Variants in CCDC152 observed in about 807,000 individuals in gnomAD.
CCDC152 encodes the protein coiled-coil domain-containing protein 152.
CCDC152 carries 37 observed loss-of-function variants against 38.1 expected under a neutral mutation model. That is an observed-to-expected ratio of 0.97 (90% CI 0.75 to 1.28). The LOEUF is 1.28. Ranked by LOEUF, CCDC152 falls within the 50% of genes most tolerant of loss-of-function variation. The pLI, the probability that CCDC152 is intolerant of heterozygous loss-of-function variation, is 0.00. For missense variants in CCDC152, 259 were observed against 292.1 expected (o/e 0.89, Z 0.83); for synonymous variants, 83 against 87.1 (o/e 0.95, Z 0.26).
intron 2 of CCDC152, among the ~76,000 whole-genome samples, chr5:42,761,519 GCAGGAGAACT>G: frequency 6.6e-6 from 1 of 152,284 alleles, no homozygotes; most frequent in South Asian, 2.1e-4. Flanking sequence ...GGAGGCTGAA[GCAGGAGAACT>G]GCTAGAGCCC....
chr5:42,782,914 T>C (rs1221778020), intron 5 of CCDC152, among the ~76,000 whole-genome samples: 3 of 151,988 alleles, frequency 2.0e-5, no homozygotes, highest in Non-Finnish European at 2.9e-5. Context: ...TCCCCCAGGC[T>C]GGAGTGCAGT....
intron 6 of CCDC152, among the ~76,000 whole-genome samples, chr5:42,787,058 G>A (rs902448772): frequency 1.3e-5 from 2 of 151,906 alleles, no homozygotes; most frequent in African/African-American, 2.4e-5. Context: ...CTTGTTTTAT[G>A]ATCAGGCATA....
chr5:42,761,239 CTCTG>C (rs1352556223), intron 2 of CCDC152, among the ~76,000 whole-genome samples: 2 of 152,140 alleles, frequency 1.3e-5, no homozygotes, highest in African/African-American at 4.8e-5. Flanking sequence ...AGAATATGGC[CTCTG>C]TCTGTCTCTC....
chr5:42,757,373 G>A (rs1759495107), intron 1 of CCDC152, among the ~76,000 whole-genome samples: 1 of 152,116 alleles, frequency 6.6e-6, no homozygotes. Context: ...GACGAGCCCC[G>A]GGACTCAAGC....
At chr5:42,760,698 G>GCA (rs895156809) in intron 2 of CCDC152, among the ~76,000 whole-genome samples, 4 of 151,720 alleles carry the variant, frequency 2.6e-5, no homozygotes, top group East Asian at 1.9e-4. Flanking sequence ...CTTTTCGTCA[G>GCA]CACACACACA....
intron 4 of CCDC152, among the ~76,000 whole-genome samples, chr5:42,774,794 A>C (rs1759750010): frequency 6.6e-6 from 1 of 152,238 alleles, no homozygotes; most frequent in Non-Finnish European, 1.5e-5. Flanking sequence ...CAGAGAAAGC[A>C]TCAAAACCAG....
At chr5:42,793,671 C>T (rs1210025191) in intron 6 of CCDC152, among the ~76,000 whole-genome samples, 1 of 152,066 alleles carries the variant, frequency 6.6e-6, no homozygotes, top group Non-Finnish European at 1.5e-5. Flanking sequence ...TGCAGTGTTG[C>T]CATCTCGGCT....
intron 2 of CCDC152, among the ~76,000 whole-genome samples, chr5:42,759,999 A>C (rs1336179769): frequency 1.3e-5 from 2 of 152,106 alleles, no homozygotes; most frequent in African/African-American, 2.4e-5. Flanking sequence ...GGGAATTGCT[A>C]TACTTGAAAG....
At chr5:42,764,648 A>G (rs879502623) in intron 3 of CCDC152, among the ~76,000 whole-genome samples, 7 of 152,266 alleles carry the variant, frequency 4.6e-5, no homozygotes, top group Admixed American at 4.6e-4. Context: ...GTGTTACATC[A>G]TATCAACAGA....
At position 42,762,430 on chromosome 5, in the gene CCDC152, A is replaced by G. The variant is rs1395660049; in HGVS notation, c.88-13A>G. ...TTGATTTGTTAATAATAAGTATTCT[A>G]TTTCTTCTACAGAAAATGGTAGAAA... On this transcript the variant is annotated splice_polypyrimidine_tract_variant and intron_variant, in intron 2 of 8. Transcript: ENST00000361970. 16 of 1,317,478 alleles carry G rather than the reference A, an allele frequency of 1.2e-5. No homozygotes were observed. The highest frequency in any genetic ancestry group is 2.2e-5 in the Admixed American group (1 of 45,006). 81.6% of individuals were successfully genotyped at this position (1,317,478 alleles called of 1,614,324 possible).
chr5:42,770,319 G>A (rs1759679949), intron 4 of CCDC152, among the ~76,000 whole-genome samples: 1 of 152,064 alleles, frequency 6.6e-6, no homozygotes, highest in South Asian at 2.1e-4. Flanking sequence ...TTTAAAACAA[G>A]CACCTTATAT....
In CCDC152 at chr5:42,776,934, C is replaced by T. The variant is rs1362443040; in HGVS notation, c.263-2524C>T. 7.3e-5 allele frequency among the ~76,000 whole-genome samples: 11 copies of T among 151,708 alleles called. 1 individual carries two copies. Among genetic ancestry groups the T allele is most frequent in the Admixed American group, 2.0e-4 (3 of 15,212 alleles). The stretch of plus-strand genomic sequence containing the variant: ...ACAGTGCTTAAAGAGATATTTATAG[C>T]GTTAAATGTGCATATGAGAAGACAA... On this transcript the variant is annotated intron_variant, in intron 4 of 8. Transcript: ENST00000361970.
At chr5:42,776,257 T>A (rs917122091) in intron 4 of CCDC152, among the ~76,000 whole-genome samples, 3 of 152,160 alleles carry the variant, frequency 2.0e-5, no homozygotes, top group African/African-American at 7.2e-5. Context: ...TGGAGAAAGA[T>A]ATGCCGTGCT....
rs78985778 is a variant in CCDC152 at position 42,760,386 on chromosome 5, T to C, written c.87+1178T>C. On this transcript the variant is annotated intron_variant, in intron 2 of 8. Coordinates refer to ENST00000361970, the MANE Select transcript of CCDC152 (RefSeq NM_001134848.2). ...AGTAAACATTGAAGTAAATGCATAT[T>C]TCAATCTGTTATTATAACTACTCAT... Among the ~76,000 whole-genome samples the C allele has an allele frequency of 2.1e-3, 317 of 152,296 alleles. 3 individuals are homozygous for C. The highest frequency in any genetic ancestry group is 7.3e-3 in the African/African-American group (304 of 41,580).
chr5:42,761,462 A>T (rs192589427), intron 2 of CCDC152, among the ~76,000 whole-genome samples: 29 of 152,252 alleles, frequency 1.9e-4, no homozygotes, highest in Admixed American at 1.8e-3. Flanking sequence ...TAAAACACAA[A>T]AAATTAGCCG....
chr5:42,788,559 C>T (rs548724775), intron 6 of CCDC152, among the ~76,000 whole-genome samples: 2 of 152,188 alleles, frequency 1.3e-5, no homozygotes, highest in South Asian at 4.1e-4. Context: ...CGTGCCTGGT[C>T]CTTCATCTGT....
chr5:42,774,547 C>T (rs1041281102), intron 4 of CCDC152, among the ~76,000 whole-genome samples: 2 of 152,184 alleles, frequency 1.3e-5, no homozygotes, highest in African/African-American at 4.8e-5. Context: ...CTAGCCTTCC[C>T]AACTCTAGCC....
chr5:42,762,530 G>T lies in CCDC152; in HGVS notation c.175G>T (p.Glu59Ter), dbSNP rs1490193272. 3 of 1,524,642 alleles carry T rather than the reference G, an allele frequency of 2.0e-6. No homozygotes were observed. In the Admixed American group the frequency reaches 5.9e-5, roughly 30 times the overall value. The allele number at this position is 1,524,642 out of a possible 1,614,324, so 94.4% of individuals were successfully genotyped here. The change falls in exon 3 of 9, where the codon GAG (glutamate) becomes TAG (stop). Residue 59 changes from glutamate (E) to a stop codon, truncating the protein, a stop_gained. Transcript: ENST00000361970. LOFTEE classifies it high-confidence loss of function. Reference protein sequence around the residue: ...NCLLKVMQAKEVSIKEECATL... With the variant: ...NCLLKVMQAK ...CCTATTAAAAGTAATGCAAGCAAAG[G>T]AGGTCTCCATTAAAGAAGGTTAGTT...
chr5:42,779,320 C>A, intron 4 of CCDC152, 138 bp from the exon 5 acceptor site: 1 of 627,162 alleles, frequency 1.6e-6, no homozygotes, highest in Non-Finnish European at 2.9e-6. Flanking sequence ...CAGTGTCTAG[C>A]ATGGTGCCTG....
Sources: allele counts gnomAD v4.1 joint callset (sites outside exome capture counted in the v4.1 genomes callset), GRCh38; gene constraint gnomAD v4.1.1; transcripts MANE v1.5; gene names NCBI Gene and HGNC (gene_info 2026-07-23, HGNC 2026-07-21).